Variants in CTNNA3 observed in about 807,000 individuals in gnomAD.
The protein encoded by CTNNA3 is catenin alpha 3.
A neutral mutation model predicts 95.7 loss-of-function variants in CTNNA3; 76 were observed. The ratio of observed to expected loss-of-function variants is 0.79; its 90% CI spans 0.66 to 0.96. CTNNA3 has a LOEUF of 0.96. Ranked by LOEUF, CTNNA3 falls within the 40% of genes least tolerant of loss-of-function variation. The pLI, the probability that CTNNA3 is intolerant of heterozygous loss-of-function variation, is 0.00. For synonymous variants in CTNNA3, 431 were observed against 374.4 expected, an observed-to-expected ratio of 1.15 and a Z score of -1.74; for missense variants, 1,191 against 1,089.8, an observed-to-expected ratio of 1.09 and a Z score of -1.31.
At chr10:66,615,846 C>T (rs1015601729) in intron 10 of CTNNA3, among the ~76,000 whole-genome samples, 29 of 152,016 alleles carry the variant, frequency 1.9e-4, no homozygotes, top group African/African-American at 5.6e-4. Flanking sequence ...TCACTATATG[C>T]TCGTGCAATA....
chr10:66,102,878 A>G (rs2081701541), intron 14 of CTNNA3, among the ~76,000 whole-genome samples: 1 of 152,128 alleles, frequency 6.6e-6, no homozygotes, highest in Non-Finnish European at 1.5e-5. Flanking sequence ...ACATGTACAT[A>G]TTTCACTTTT....
intron 7 of CTNNA3, among the ~76,000 whole-genome samples, chr10:67,173,652 A>G (rs1449030347): frequency 1.3e-5 from 2 of 152,156 alleles, no homozygotes; most frequent in Non-Finnish European, 2.9e-5. Context: ...CAGGACCCTT[A>G]TATTTCGTCC....
chr10:65,928,864 T>C (rs1401560253), intron 17 of CTNNA3, among the ~76,000 whole-genome samples: 5 of 152,212 alleles, frequency 3.3e-5, no homozygotes, highest in Admixed American at 2.0e-4. Flanking sequence ...TTCCCACTTT[T>C]AGATTATTAT....
At chr10:67,104,078 A>G (rs79110718) in intron 7 of CTNNA3, among the ~76,000 whole-genome samples, 2,610 of 151,798 alleles carry the variant, frequency 0.017, 78 homozygotes, top group East Asian at 0.11. Context: ...AGCCAAAATT[A>G]CAGCCAAAAT....
intron 1 of CTNNA3, among the ~76,000 whole-genome samples, chr10:67,762,975 C>T (rs142721613): frequency 3.3e-5 from 5 of 152,224 alleles, no homozygotes; most frequent in Admixed American, 6.5e-5. Flanking sequence ...ATTGCTTACT[C>T]GGGGAGCTCG....
intron 10 of CTNNA3, among the ~76,000 whole-genome samples, chr10:66,570,503 G>C (rs1842838853): frequency 6.6e-6 from 1 of 151,844 alleles, no homozygotes; most frequent in African/African-American, 2.4e-5. Flanking sequence ...TGGCCAAGAT[G>C]GTCTTGATCT....
At chr10:66,240,203 G>T (rs1469373811) in intron 13 of CTNNA3, among the ~76,000 whole-genome samples, 7 of 151,802 alleles carry the variant, frequency 4.6e-5, no homozygotes, top group African/African-American at 1.7e-4. Context: ...ATTTTCTTAG[G>T]AAACTCCAGG....
rs140324187 is a variant in CTNNA3 at position 66,880,936 on chromosome 10, G to A, written c.1048-105412C>T. On this transcript the variant is annotated intron_variant, in intron 7 of 17. Transcript: ENST00000433211. The stretch of plus-strand genomic sequence containing the variant: ...ATAATAGAATTAAAGTAGATAAGAA[G>A]GAAAATGCTATAAGACATTCATCTG... 3.8e-3 allele frequency among the ~76,000 whole-genome samples: 577 copies of A among 152,196 alleles called. 3 individuals are homozygous for A. Among genetic ancestry groups the A allele is most frequent in the Middle Eastern group, 6.8e-3 (2 of 294 alleles).
rs564405955 is a variant in CTNNA3, at chr10:65,916,107, A to G, written c.*4223T>C. 3.4e-4 allele frequency: 52 copies of G among 152,272 alleles called. No homozygotes were observed. Among genetic ancestry groups the G allele is most frequent in the African/African-American group, 1.2e-3 (51 of 41,576 alleles). The allele number at this position is 152,272 out of a possible 1,614,324, so 9.4% of individuals were successfully genotyped here. On this transcript the variant is annotated 3_prime_UTR_variant, in exon 18 of 18. Coordinates refer to ENST00000433211, the MANE Select transcript of CTNNA3 (RefSeq NM_013266.4). ...CTAATGCTGAACATATCATAATGGTATGGGAAAAGAGTCATAAAGAAAAAA... is the reference window on the plus strand; with the variant it reads ...CTAATGCTGAACATATCATAATGGTGTGGGAAAAGAGTCATAAAGAAAAAA...
chr10:66,730,097 C>T (rs146024170), intron 9 of CTNNA3, among the ~76,000 whole-genome samples: 1,475 of 120,666 alleles, frequency 0.012, 11 homozygotes, highest in Middle Eastern at 0.031. Flanking sequence ...CAGAGCGATA[C>T]TCTGTCTGAA....
At chr10:66,087,427 C>G (rs549576288) in intron 14 of CTNNA3, among the ~76,000 whole-genome samples, 1 of 152,240 alleles carries the variant, frequency 6.6e-6, no homozygotes, top group African/African-American at 2.4e-5. Flanking sequence ...TCATTGGCAT[C>G]TACTGGGTAG....
intron 13 of CTNNA3, among the ~76,000 whole-genome samples, chr10:66,177,538 G>A (rs899327283): frequency 2.0e-5 from 3 of 151,732 alleles, no homozygotes; most frequent in Non-Finnish European, 2.9e-5. Flanking sequence ...CTAGACGAAC[G>A]ATAAAAAGCG....
At chr10:67,594,587 G>T (rs1179535042) in intron 3 of CTNNA3, among the ~76,000 whole-genome samples, 2 of 151,740 alleles carry the variant, frequency 1.3e-5, no homozygotes, top group Non-Finnish European at 2.9e-5. Flanking sequence ...TTTCTGTGAG[G>T]TTGATGGTAA....
chr10:66,329,810 A>G (rs1197284863), intron 12 of CTNNA3, among the ~76,000 whole-genome samples: 1 of 152,102 alleles, frequency 6.6e-6, no homozygotes, highest in Non-Finnish European at 1.5e-5. Context: ...TTTACTTTAT[A>G]TAATACCCTG....
chr10:67,074,550 C>T (rs919493557), intron 7 of CTNNA3, among the ~76,000 whole-genome samples: 2 of 151,202 alleles, frequency 1.3e-5, no homozygotes, highest in Non-Finnish European at 2.9e-5. Flanking sequence ...TGGGGTTTCA[C>T]CATGTTAGCC....
intron 9 of CTNNA3, among the ~76,000 whole-genome samples, chr10:66,682,208 G>C (rs918227958): frequency 2.6e-5 from 4 of 152,078 alleles, no homozygotes; most frequent in African/African-American, 4.8e-5. Flanking sequence ...AAATCTAAGA[G>C]GGTCTGCCTC....
chr10:66,385,307 A>T (rs949016976), intron 11 of CTNNA3, among the ~76,000 whole-genome samples: 1 of 152,222 alleles, frequency 6.6e-6, no homozygotes, highest in Non-Finnish European at 1.5e-5. Flanking sequence ...AGAATACTAT[A>T]AACACCTCTA....
intron 17 of CTNNA3, among the ~76,000 whole-genome samples, chr10:65,946,365 A>C (rs1301423590): frequency 6.6e-6 from 1 of 152,098 alleles, no homozygotes; most frequent in Non-Finnish European, 1.5e-5. Context: ...TAAAATTACA[A>C]ACTTTTTTAG....
In CTNNA3 at chr10:67,346,635, G is replaced by A. The variant is rs890800968; in HGVS notation, c.580-126765C>T. ...TATGGACAAGTAGAAAATATGGAGA[G>A]AGAAACTTCTAGTTATAAGTGAGTT... is the stretch of plus-strand genomic sequence containing the variant. On this transcript the variant is annotated intron_variant, in intron 5 of 17. Transcript: ENST00000433211. 3.6e-5 allele frequency: 17 copies of A among 476,878 alleles called. 1 individual carries two copies. The highest frequency in any genetic ancestry group is 2.4e-4 in the African/African-American group (12 of 50,564). 29.5% of individuals were successfully genotyped at this position (476,878 alleles called of 1,614,324 possible). A position where few individuals can be genotyped will look rare whatever the true frequency, so the allele number is the denominator to read the frequency against.
Sources: gnomAD v4.1 joint callset for allele counts (sites outside exome capture counted in the v4.1 genomes callset) on GRCh38, gnomAD v4.1.1 for gene constraint, MANE v1.5 for transcripts, NCBI Gene and HGNC (gene_info 2026-07-23, HGNC 2026-07-21) for gene names.